The following SFTA2 variants were observed in gnomAD, a reference collection of about 807,000 sequenced individuals.
The protein encoded by SFTA2 is surfactant-associated protein 2.
SFTA2 carries 3 observed loss-of-function variants against 6.0 expected under a neutral mutation model. The observed-to-expected ratio is 0.50, with a 90% CI of 0.23 to 1.28. The LOEUF (loss-of-function observed/expected upper bound fraction) is 1.28. SFTA2 is among the 50% of genes most tolerant of loss of function. The pLI is 0.19. For synonymous variants in SFTA2, 40 were observed against 39.3 expected (o/e 1.02, Z -0.07); for missense variants, 87 against 88.5 (o/e 0.98, Z 0.07).
At position 30,931,706 on chromosome 6, in the gene SFTA2, C is replaced by T; in HGVS notation, c.150+1G>A. The T allele has an allele frequency of 6.2e-7, 1 of 1,613,162 alleles. No individual in the cohort carries two copies. The highest frequency in any genetic ancestry group is 8.5e-7 in the Non-Finnish European group (1 of 1,180,008). On this transcript the variant is annotated splice_donor_variant, in intron 2 of 2. Transcript: ENST00000359086. LOFTEE classifies it high-confidence loss of function. ...CCATCTTTCCCCTTCCAAAGAACTACCTTTTCAAGCAATTCCAGGAAGCTG... is the reference window on the plus strand; with the variant it reads ...CCATCTTTCCCCTTCCAAAGAACTATCTTTTCAAGCAATTCCAGGAAGCTG...
rs932289244 is a variant in SFTA2, at chr6:30,931,845, T to C, written c.62-50A>G. 1.9e-6 allele frequency: 3 copies of C among 1,600,594 alleles called. No homozygotes were observed. The African/African-American group carries it at 4.0e-5, about 21-fold the overall frequency. ...GGACCCAGCAGTCAGGGCTGATTCC[T>C]CCGGAGACACAGAACCTTCCTGCTC... is the stretch of plus-strand genomic sequence containing the variant. On this transcript the variant is annotated intron_variant, in intron 1 of 2. Coordinates refer to ENST00000359086, the MANE Select transcript of SFTA2 (RefSeq NM_205854.3).
Position 30,931,415 on chromosome 6 carries a change from C to T in SFTA2, c.*73G>A. 7.0e-7 allele frequency: 1 copy of T among 1,422,464 alleles called. No homozygotes were observed. Among genetic ancestry groups the T allele is most frequent in the Non-Finnish European group, 9.4e-7 (1 of 1,058,872 alleles). The allele number at this position is 1,422,464 out of a possible 1,614,324, so 88.1% of individuals were successfully genotyped here. A position where few individuals can be genotyped will look rare whatever the true frequency, so the allele number is the denominator to read the frequency against. ...AGGAGGGTGGGGGCCTGCTGAAAGA[C>T]AGGGTCGGGGCCTGCCTCCTGCATC... On this transcript the variant is annotated 3_prime_UTR_variant, in exon 3 of 3. Coordinates refer to ENST00000359086, the MANE Select transcript of SFTA2 (RefSeq NM_205854.3).
In SFTA2 at chr6:30,931,586, G is replaced by A. The variant is rs1377134483; in HGVS notation, c.151-12C>T. 1.2e-6 allele frequency: 2 copies of A among 1,608,842 alleles called. No individual in the cohort carries two copies. The highest frequency in any genetic ancestry group is 1.7e-4 in the Middle Eastern group (1 of 6,046). On this transcript the variant is annotated splice_polypyrimidine_tract_variant and intron_variant, in intron 2 of 2. Coordinates refer to ENST00000359086, the MANE Select transcript of SFTA2 (RefSeq NM_205854.3). ...AGGAGGAGGCAGAGCTGGGAACAAA[G>A]GGTTAAAGGGCGCCATGTAAGAGAG...
chr6:30,931,711 T>C lies in SFTA2; in HGVS notation c.146A>G (p.Glu49Gly). 1 of 1,613,116 alleles carries C rather than the reference T, an allele frequency of 6.2e-7. No homozygotes were observed. The highest frequency in any genetic ancestry group is 1.7e-5 in the Admixed American group (1 of 60,024). The change falls in exon 2 of 3, where the codon GAA becomes GGA. Residue 49 changes from glutamate (E) to glycine (G), a missense_variant. By Grantham distance (98) the Glu-to-Gly change is moderately conservative. Coordinates refer to ENST00000359086, the MANE Select transcript of SFTA2 (RefSeq NM_205854.3). ...TTTCCCCTTCCAAAGAACTACCTTT[T>C]CAAGCAATTCCAGGAAGCTGGACTC... ...SYESSFLELL[E>G]KLCLLLHLPS...
At position 30,931,689 on chromosome 6, in the gene SFTA2, C is replaced by T. The variant is rs756260617; in HGVS notation, c.150+18G>A. 6.2e-7 allele frequency: 1 copy of T among 1,612,880 alleles called. No homozygotes were observed. The highest frequency in any genetic ancestry group is 8.5e-7 in the Non-Finnish European group (1 of 1,179,720). The stretch of plus-strand genomic sequence containing the variant: ...CTCACAAACACACAGCCCCATCTTT[C>T]CCCTTCCAAAGAACTACCTTTTCAA... On this transcript the variant is annotated intron_variant, in intron 2 of 2. Transcript: ENST00000359086.
Position 30,932,012 on chromosome 6 carries a change from G to T in SFTA2, c.61+24C>A. The T allele has an allele frequency of 1.2e-6, 2 of 1,609,002 alleles. No homozygotes were observed. Among genetic ancestry groups the T allele is most frequent in the South Asian group, 2.2e-5 (2 of 90,146 alleles). On this transcript the variant is annotated intron_variant, in intron 1 of 2. Transcript: ENST00000359086. The surrounding 1 kb of genome is among the most constrained non-coding windows in gnomAD (Gnocchi z 6.5). ...GGCCTCTTCTTGCCACAGGGACCCA[G>T]GAGTCCTGCCCTCTAGCCCTCACCT...
chr6:30,931,960 G>C, intron 1 of SFTA2, 76 bp downstream of exon 1: 1 of 1,572,326 alleles, frequency 6.4e-7, no homozygotes, highest in Non-Finnish European at 8.7e-7. Flanking sequence ...CACTCTCAGG[G>C]ACCATGAAGT....
Position 30,931,489 on chromosome 6 carries a change from C to G in SFTA2, c.236G>C (p.Ter79SerextTer38). 6.4e-7 allele frequency: 1 copy of G among 1,574,150 alleles called. No individual in the cohort carries two copies. ...GAAGGACACAGGCTTCAATGGCTGT[C>G]ATGTGTTGCAGACAACATGGTGTTG... The part of the protein sequence containing the change: ...RSQHHVVCNT[*>S] The change falls in exon 3 of 3, where the codon TGA becomes TCA. Residue 79 changes from the stop codon to serine (S), a stop_lost. Transcript: ENST00000359086.
In SFTA2 at chr6:30,931,773, C is replaced by T. The variant is rs1463260734; in HGVS notation, c.84G>A (p.Leu28=). 5.0e-6 allele frequency: 8 copies of T among 1,613,106 alleles called. No individual in the cohort carries two copies. Among genetic ancestry groups the T allele is most frequent in the Non-Finnish European group, 6.8e-6 (8 of 1,180,030 alleles). Residue 28 remains leucine, a synonymous_variant, in exon 2 of 3, where the codon CTG becomes CTA. Transcript: ENST00000359086. The part of the protein sequence containing the change: ...HGTGPGMTLQ[L]KLKESFLTNS... ...TTGTCAGAAAAGACTCCTTCAGCTT[C>T]AGTTGCAAAGTCATACCCGGCCCTG... is the stretch of plus-strand genomic sequence containing the variant.
rs1383084649 is a variant in SFTA2 at position 30,932,137 on chromosome 6, C to A, written c.-41G>T. The A allele has an allele frequency of 1.3e-6, 2 of 1,599,224 alleles. No homozygotes were observed. Among genetic ancestry groups the A allele is most frequent in the Admixed American group, 1.7e-5 (1 of 58,268 alleles). On this transcript the variant is annotated 5_prime_UTR_variant, in exon 1 of 3. Coordinates refer to ENST00000359086, the MANE Select transcript of SFTA2 (RefSeq NM_205854.3). The surrounding 1 kb of genome is among the most constrained non-coding windows in gnomAD (Gnocchi z 6.5). ...CCTGGGATGGAGGAGACACTGAAGT[C>A]CCGGTGGCCTCTCCTTAACAGGCCT...
rs1331366989 is a variant in SFTA2 at position 30,931,455 on chromosome 6, C to T, written c.*33G>A. The stretch of plus-strand genomic sequence containing the variant: ...CCTCCTGCATCCCCGGCCCAAAAGC[C>T]CGGGCCAAGAAGGACACAGGCTTCA... On this transcript the variant is annotated 3_prime_UTR_variant, in exon 3 of 3. Coordinates refer to ENST00000359086, the MANE Select transcript of SFTA2 (RefSeq NM_205854.3). 6.5e-7 allele frequency: 1 copy of T among 1,528,086 alleles called. No individual in the cohort carries two copies. Among genetic ancestry groups the T allele is most frequent in the Non-Finnish European group, 8.8e-7 (1 of 1,135,518 alleles). 94.7% of individuals were successfully genotyped at this position (1,528,086 alleles called of 1,614,324 possible).
At position 30,931,456 on chromosome 6, in the gene SFTA2, C is replaced by CG; in HGVS notation, c.*31dup. 1 of 1,527,674 alleles carries CG rather than the reference C, an allele frequency of 6.5e-7. No individual in the cohort carries two copies. The highest frequency in any genetic ancestry group is 8.8e-7 in the Non-Finnish European group (1 of 1,135,152). 94.6% of individuals were successfully genotyped at this position (1,527,674 alleles called of 1,614,324 possible). On this transcript the variant is annotated 3_prime_UTR_variant, in exon 3 of 3. Coordinates refer to ENST00000359086, the MANE Select transcript of SFTA2 (RefSeq NM_205854.3). ...CTCCTGCATCCCCGGCCCAAAAGCCCGGGCCAAGAAGGACACAGGCTTCAA... is the reference window on the plus strand; with the variant it reads ...CTCCTGCATCCCCGGCCCAAAAGCCCGGGGCCAAGAAGGACACAGGCTTCAA...
chr6:30,931,924 G>C, intron 1 of SFTA2, 112 bp downstream of exon 1: 1 of 1,540,488 alleles, frequency 6.5e-7, no homozygotes, highest in Non-Finnish European at 8.9e-7. Flanking sequence ...GAGCCTCTTG[G>C]AAGCTCAGGA....
rs1339292194 is a variant in SFTA2 at position 30,931,550 on chromosome 6, A to C, written c.175T>G (p.Ser59Ala). Reference protein sequence around the residue: ...EKLCLLLHLPSGTSVTLHHAR... With the variant: ...EKLCLLLHLPAGTSVTLHHAR... ...TGGTGGAGGGTGACGCTGGTCCCTG[A>C]AGGGAGATGGAGGAGGAGGCAGAGC... The change falls in exon 3 of 3, where the codon TCA becomes GCA. Residue 59 changes from serine (S) to alanine (A), a missense_variant. Physicochemically the swap from Ser to Ala is moderately conservative, Grantham distance 99. Coordinates refer to ENST00000359086, the MANE Select transcript of SFTA2 (RefSeq NM_205854.3). The C allele has an allele frequency of 6.2e-7, 1 of 1,610,118 alleles. No homozygotes were observed. The highest frequency in any genetic ancestry group is 8.5e-7 in the Non-Finnish European group (1 of 1,178,422).
rs1307297311 is a variant in SFTA2, at chr6:30,932,063, T to A, written c.34A>T (p.Thr12Ser). 1 of 1,611,594 alleles carries A rather than the reference T, an allele frequency of 6.2e-7. No homozygotes were observed. The highest frequency in any genetic ancestry group is 1.1e-5 in the South Asian group (1 of 90,830). ...GSGLPLVLLL[T>S]LLGSSHGTGP... ...GTTCCATGTGAGCTGCCAAGGAGGG[T>A]CAAGAGGAGGACAAGGGGCAGCCCA... Residue 12 changes from threonine to serine, a missense_variant, in exon 1 of 3, where the codon ACC becomes TCC. Thr to Ser is a moderately conservative substitution (Grantham distance 58, BLOSUM62 1). Coordinates refer to ENST00000359086, the MANE Select transcript of SFTA2 (RefSeq NM_205854.3). This position sits in a 1 kb window ranked among gnomAD's most constrained non-coding sequence, Gnocchi z 6.5.
chr6:30,931,759 G>C lies in SFTA2; in HGVS notation c.98C>G (p.Ser33Cys). ...GMTLQLKLKE[S>C]FLTNSSYESS... ...CTCATAGGAGGAATTTGTCAGAAAA[G>C]ACTCCTTCAGCTTCAGTTGCAAAGT... The change falls in exon 2 of 3, where the codon TCT (serine) becomes TGT (cysteine). Residue 33 changes from serine (S) to cysteine (C), a missense_variant. Transcript: ENST00000359086. 6.2e-7 allele frequency: 1 copy of C among 1,613,116 alleles called. No homozygotes were observed. The highest frequency in any genetic ancestry group is 8.5e-7 in the Non-Finnish European group (1 of 1,180,036).
intron 2 of SFTA2, 50 bp downstream of exon 2, chr6:30,931,657 A>C (rs768116888): frequency 1.2e-6 from 2 of 1,611,282 alleles, no homozygotes; most frequent in Admixed American, 1.7e-5. Flanking sequence ...GCAGAGGCCC[A>C]AACTGACTCA....
Position 30,932,065 on chromosome 6 carries a change from A to C in SFTA2, c.32T>G (p.Leu11Trp). ...TCCATGTGAGCTGCCAAGGAGGGTC[A>C]AGAGGAGGACAAGGGGCAGCCCAGA... MGSGLPLVLL[L>W]TLLGSSHGTG... Residue 11 changes from leucine (L) to tryptophan (W), a missense_variant, in exon 1 of 3, where the codon TTG (leucine) becomes TGG (tryptophan). Coordinates refer to ENST00000359086, the MANE Select transcript of SFTA2 (RefSeq NM_205854.3). This position sits in a 1 kb window ranked among gnomAD's most constrained non-coding sequence, Gnocchi z 6.5. 6.2e-7 allele frequency: 1 copy of C among 1,612,628 alleles called. No homozygotes were observed. The highest frequency in any genetic ancestry group is 8.5e-7 in the Non-Finnish European group (1 of 1,179,908).
At position 30,931,502 on chromosome 6, in the gene SFTA2, C is replaced by A; in HGVS notation, c.223G>T (p.Val75Phe). 6.3e-7 allele frequency: 1 copy of A among 1,595,064 alleles called. No individual in the cohort carries two copies. The highest frequency in any genetic ancestry group is 8.5e-7 in the Non-Finnish European group (1 of 1,170,208). The stretch of plus-strand genomic sequence containing the variant: ...TTCAATGGCTGTCATGTGTTGCAGA[C>A]AACATGGTGTTGAGATCTTGCATGG... The part of the protein sequence containing the change: ...LHHARSQHHV[V>F]CNT The change falls in exon 3 of 3, where the codon GTC (valine) becomes TTC (phenylalanine). Residue 75 changes from valine (V) to phenylalanine (F), a missense_variant. By Grantham distance (50) the Val-to-Phe change is conservative. Transcript: ENST00000359086.
Sources: allele counts gnomAD v4.1 joint callset, GRCh38; gene constraint gnomAD v4.1.1; non-coding constraint Gnocchi (gnomAD v3.1); transcripts MANE v1.5; gene names NCBI Gene and HGNC (gene_info 2026-07-23, HGNC 2026-07-21).